SRCAP: variants seen among roughly 807,000 people sequenced by gnomAD.
The protein encoded by SRCAP is Snf2 related CREBBP activator protein.
In SRCAP, 46 loss-of-function variants were observed where a neutral mutation model predicts 263.1. The observed-to-expected ratio is 0.17, with a 90% confidence interval of 0.14 to 0.22. The LOEUF (loss-of-function observed/expected upper bound fraction) is 0.22, where lower values mean the gene tolerates loss of function less well. Among genes scored for constraint, SRCAP ranks in the 10% least tolerant of loss-of-function variants. SRCAP has a pLI of 1.00. For synonymous variants in SRCAP, 1,813 were observed against 1,662.1 expected (o/e 1.09, Z -2.21); for missense variants, 3,695 against 4,181.9 (o/e 0.88, Z 3.21).
At chr16:30,726,907 G>A (rs1022786658) in intron 25 of SRCAP, among the ~76,000 whole-genome samples, 2 of 152,176 alleles carry the variant, frequency 1.3e-5, no homozygotes, top group Non-Finnish European at 2.9e-5. Flanking sequence ...TCACCATGTT[G>A]GCCGGGCTGG....
chr16:30,738,264 C>T lies in SRCAP; in HGVS notation c.8224C>T (p.Pro2742Ser). 2 of 1,611,462 alleles carry T rather than the reference C, an allele frequency of 1.2e-6. No individual in the cohort carries two copies. Among genetic ancestry groups the T allele is most frequent in the Non-Finnish European group, 1.7e-6 (2 of 1,178,298 alleles). The change falls in exon 34 of 34, where the codon CCA becomes TCA. Residue 2742 changes from proline (P) to serine (S), a missense_variant. Physicochemically the swap from Pro to Ser is moderately conservative, Grantham distance 74. Coordinates refer to ENST00000262518, the MANE Select transcript of SRCAP (RefSeq NM_006662.3). Reference sequence around the variant, plus strand: ...AGGGACTGGTCGGCCAGGACAACCACCAGGCCCCAAAGTGCTTCGAAAGCT... The same window carrying T: ...AGGGACTGGTCGGCCAGGACAACCATCAGGCCCCAAAGTGCTTCGAAAGCT... ...GQGTGRPGQP[P>S]GPKVLRKLPG...
At position 30,724,068 on chromosome 16, in the gene SRCAP, C is replaced by G; in HGVS notation, c.4644C>G (p.Val1548=). 1 of 1,613,736 alleles carries G rather than the reference C, an allele frequency of 6.2e-7. No homozygotes were observed. The highest frequency in any genetic ancestry group is 8.5e-7 in the Non-Finnish European group (1 of 1,180,024). Residue 1548 remains valine, a synonymous_variant, in exon 25 of 34, where the codon GTC becomes GTG. Coordinates refer to ENST00000262518, the MANE Select transcript of SRCAP (RefSeq NM_006662.3). The part of the protein sequence containing the change: ...NSTVAPACSP[V]LVPASALASP... ...CCGTGGCCCCAGCATGCTCACCTGT[C>G]CTGGTGCCAGCTTCGGCTCTGGCCA...
In SRCAP at chr16:30,724,574, C is replaced by T. The variant is rs1402428342; in HGVS notation, c.5150C>T (p.Ser1717Leu). The change falls in exon 25 of 34, where the codon TCA (serine) becomes TTA (leucine). Residue 1717 changes from serine to leucine, a missense_variant. Ser to Leu is a moderately radical substitution (Grantham distance 145). Coordinates refer to ENST00000262518, the MANE Select transcript of SRCAP (RefSeq NM_006662.3). ...GGACCCTTTCCAACTCAGACATTGT[C>T]ATTAACTCCAGCATCATCCCTGGTA... is the stretch of plus-strand genomic sequence containing the variant. ...PQGPFPTQTLSLTPASSLVPT... is the reference protein window; with the variant it reads ...PQGPFPTQTLLLTPASSLVPT... 4 of 1,614,076 alleles carry T rather than the reference C, an allele frequency of 2.5e-6. No individual in the cohort carries two copies. The highest frequency in any genetic ancestry group is 3.3e-5 in the Admixed American group (2 of 59,998).
In SRCAP at chr16:30,729,082, C is replaced by G; in HGVS notation, c.5775C>G (p.Phe1925Leu). 6.2e-7 allele frequency: 1 copy of G among 1,614,216 alleles called. No homozygotes were observed. The highest frequency in any genetic ancestry group is 8.5e-7 in the Non-Finnish European group (1 of 1,180,038). ...APVYGTEVLD[F>L]CTLPQPVASP... ...TGTATGGGACTGAAGTCCTGGATTT[C>G]TGTACCCTGCCCCAACCTGTTGCCA... The change falls in exon 26 of 34, where the codon TTC becomes TTG. Residue 1925 changes from phenylalanine (F) to leucine (L), a missense_variant. By Grantham distance (22) the Phe-to-Leu change is conservative (BLOSUM62 0). This residue lies in a region of SRCAP where 1,347 missense variants were observed against 1,304.4 expected (regional missense o/e 1.03). Transcript: ENST00000262518.
chr16:30,728,886 T>C, intron 25 of SRCAP, 80 bp from the exon 26 acceptor site: 1 of 1,475,646 alleles, frequency 6.8e-7, no homozygotes, highest in Non-Finnish European at 9.0e-7. Flanking sequence ...TATATATTTA[T>C]TTCCATCTGG....
intron 4 of SRCAP, among the ~76,000 whole-genome samples, chr16:30,705,877 T>G (rs996383853): frequency 3.9e-5 from 6 of 152,190 alleles, no homozygotes; most frequent in African/African-American, 1.4e-4. Context: ...GCTAATTTTT[T>G]GTGTTTTTAG....
rs1171150102 is a variant in SRCAP at position 30,729,173 on chromosome 16, C to T, written c.5866C>T (p.His1956Tyr). 2 of 1,614,108 alleles carry T rather than the reference C, an allele frequency of 1.2e-6. No individual in the cohort carries two copies. The highest frequency in any genetic ancestry group is 8.5e-7 in the Non-Finnish European group (1 of 1,180,008). The change falls in exon 26 of 34, where the codon CAC becomes TAC. Residue 1956 changes from histidine to tyrosine, a missense_variant. By Grantham distance (83) the His-to-Tyr change is moderately conservative. Transcript: ENST00000262518. ...PTFWTYTEAAHRAVLFPQQRL... is the reference protein window; with the variant it reads ...PTFWTYTEAAYRAVLFPQQRL... ...CTTTTGGACTTATACCGAGGCTGCCCACCGGGCTGTACTGTTTCCCCAGCA... is the reference window on the plus strand; with the variant it reads ...CTTTTGGACTTATACCGAGGCTGCCTACCGGGCTGTACTGTTTCCCCAGCA...
chr16:30,732,006 G>A lies in SRCAP; in HGVS notation c.6128-1274G>A, dbSNP rs368148596. On this transcript the variant is annotated intron_variant, in intron 27 of 33. Coordinates refer to ENST00000262518, the MANE Select transcript of SRCAP (RefSeq NM_006662.3). ...CAAAAAATACAAAAATTAGCCAGGC[G>A]TGGTGACATACGCCTGTAGTCCAAA... Among the ~76,000 whole-genome samples, 36 of 151,840 alleles carry A rather than the reference G, an allele frequency of 2.4e-4. 2 individuals carry two copies. The highest frequency in any genetic ancestry group is 1.2e-3 in the East Asian group (6 of 5,136).
At position 30,737,452 on chromosome 16, in the gene SRCAP, C is replaced by G. The variant is rs2053171822; in HGVS notation, c.7412C>G (p.Pro2471Arg). Residue 2471 changes from proline to arginine, a missense_variant, in exon 34 of 34, where the codon CCA becomes CGA. Physicochemically the swap from Pro to Arg is moderately radical, Grantham distance 103 (BLOSUM62 -2). Around this residue, in one of 12 missense-constraint regions of SRCAP, gnomAD observed 1,207 missense variants for 1,142.9 expected, o/e 1.06. Coordinates refer to ENST00000262518, the MANE Select transcript of SRCAP (RefSeq NM_006662.3). ...PVSAPVPISA[P>R]NPITILPVHI... is the part of the protein sequence containing the mutation. ...TCTGCCCCAGTACCCATTTCAGCCCCAAATCCAATAACCATTCTCCCTGTC... is the reference window on the plus strand; with the variant it reads ...TCTGCCCCAGTACCCATTTCAGCCCGAAATCCAATAACCATTCTCCCTGTC... The G allele has an allele frequency of 1.9e-6, 3 of 1,591,864 alleles. No homozygotes were observed. The South Asian group carries it at 3.4e-5, about 18-fold the overall frequency.
rs2053202747 is a variant in SRCAP at position 30,739,535 on chromosome 16, T to C, written c.9495T>C (p.Pro3165=). 3 of 1,611,068 alleles carry C rather than the reference T, an allele frequency of 1.9e-6. No homozygotes were observed. The highest frequency in any genetic ancestry group is 4.5e-5 in the East Asian group (2 of 44,806). ...GRLQPPSPLG[P]EGSVEESEAE... is the part of the protein sequence containing the mutation. The stretch of plus-strand genomic sequence containing the variant: ...TACAGCCCCCAAGTCCCCTGGGGCC[T>C]GAGGGTTCAGTAGAGGAGTCTGAGG... The change falls in exon 34 of 34, where the codon CCT becomes CCC. Residue 3165 remains proline, a synonymous_variant. Transcript: ENST00000262518.
Position 30,737,838 on chromosome 16 carries a change from C to T in SRCAP, c.7798C>T (p.Leu2600Phe). 1 of 1,614,160 alleles carries T rather than the reference C, an allele frequency of 6.2e-7. No individual in the cohort carries two copies. The change falls in exon 34 of 34, where the codon CTT (leucine) becomes TTT (phenylalanine). Residue 2600 changes from leucine (L) to phenylalanine (F), a missense_variant. Physicochemically the swap from Leu to Phe is conservative, Grantham distance 22. Transcript: ENST00000262518. ...VEILPVSEKNLSLTPSAPSLT... is the reference protein window; with the variant it reads ...VEILPVSEKNFSLTPSAPSLT... ...GATCCTGCCTGTGTCAGAGAAGAAC[C>T]TTTCTCTCACCCCTTCTGCACCCAG...
At chr16:30,703,482 C>T (rs904021531) in intron 3 of SRCAP, among the ~76,000 whole-genome samples, 2 of 151,510 alleles carry the variant, frequency 1.3e-5, no homozygotes, top group East Asian at 3.9e-4. Context: ...GCATGAGCCA[C>T]CACCCCCGGC....
At chr16:30,734,239 A>G in intron 30 of SRCAP, 1 of 622,994 alleles carries the variant, frequency 1.6e-6, no homozygotes, top group Non-Finnish European at 2.7e-6. Context: ...GCTGCTTGGA[A>G]GGCTGAGGCA....
At chr16:30,715,490 G>A (rs963402436) in intron 16 of SRCAP, among the ~76,000 whole-genome samples, 4 of 151,926 alleles carry the variant, frequency 2.6e-5, no homozygotes, top group South Asian at 2.1e-4. Flanking sequence ...GCATGAACCC[G>A]GGAGGCAGAG....
In SRCAP at chr16:30,729,022, C is replaced by A; in HGVS notation, c.5715C>A (p.Phe1905Leu). Residue 1905 changes from phenylalanine to leucine, a missense_variant, in exon 26 of 34, where the codon TTC (phenylalanine) becomes TTA (leucine). This residue lies in a region of SRCAP where 1,347 missense variants were observed against 1,304.4 expected (regional missense o/e 1.03). Coordinates refer to ENST00000262518, the MANE Select transcript of SRCAP (RefSeq NM_006662.3). ...RQRSERLERI[F>L]QLSEAHGALA... The stretch of plus-strand genomic sequence containing the variant: ...GGTCTGAACGCCTGGAACGGATTTT[C>A]CAACTTAGTGAGGCTCATGGGGCCC... 1 of 1,614,170 alleles carries A rather than the reference C, an allele frequency of 6.2e-7. No individual in the cohort carries two copies. Among genetic ancestry groups the A allele is most frequent in the Non-Finnish European group, 8.5e-7 (1 of 1,180,024 alleles).
At position 30,707,181 on chromosome 16, in the gene SRCAP, A is replaced by G; in HGVS notation, c.307-2A>G. On this transcript the variant is annotated splice_acceptor_variant, in intron 4 of 33. Transcript: ENST00000262518. LOFTEE classifies it high-confidence loss of function. ...TTGATTGATCTGGCTCTCCCTGATTAGGAGGCCGAGATCGAGACTCGGATT... is the reference window on the plus strand; with the variant it reads ...TTGATTGATCTGGCTCTCCCTGATTGGGAGGCCGAGATCGAGACTCGGATT... 1 of 1,614,018 alleles carries G rather than the reference A, an allele frequency of 6.2e-7. No homozygotes were observed. The highest frequency in any genetic ancestry group is 8.5e-7 in the Non-Finnish European group (1 of 1,179,950).
intron 5 of SRCAP, 73 bp from the exon 6 acceptor site, chr16:30,707,499 T>A: frequency 1.9e-6 from 3 of 1,605,914 alleles, no homozygotes; most frequent in Non-Finnish European, 2.5e-6. Context: ...TTCTTGGCCT[T>A]GATTATTTTC....
rs369734800 is a variant in SRCAP at position 30,733,912 on chromosome 16, A to T, written c.6513A>T (p.Thr2171=). 4 of 1,614,026 alleles carry T rather than the reference A, an allele frequency of 2.5e-6. No homozygotes were observed. The highest frequency in any genetic ancestry group is 3.4e-6 in the Non-Finnish European group (4 of 1,180,034). Residue 2171 remains threonine, a synonymous_variant, in exon 30 of 34, where the codon ACA becomes ACT. Coordinates refer to ENST00000262518, the MANE Select transcript of SRCAP (RefSeq NM_006662.3). The surrounding 1 kb of genome is among the most constrained non-coding windows in gnomAD (Gnocchi z 5.3). ...VHIYRLISER[T]VEENILKKAN... ...CCCCTAGGCTTATCAGTGAACGGAC[A>T]GTGGAGGAGAACATCCTAAAAAAGG...
intron 27 of SRCAP, among the ~76,000 whole-genome samples, chr16:30,731,999 G>C (rs1168414118): frequency 6.6e-6 from 1 of 151,704 alleles, no homozygotes; most frequent in Non-Finnish European, 1.5e-5. Context: ...ACAAAAATTA[G>C]CCAGGCGTGG....
Sources: allele counts gnomAD v4.1 joint callset (sites outside exome capture counted in the v4.1 genomes callset), GRCh38; gene constraint gnomAD v4.1.1; regional missense constraint gnomAD v4.1.1; non-coding constraint Gnocchi (gnomAD v3.1); transcripts MANE v1.5; gene names NCBI Gene and HGNC (gene_info 2026-07-23, HGNC 2026-07-21).